Variants in SYT9 observed in about 807,000 individuals in gnomAD.
SYT9 encodes synaptotagmin-9.
Under a neutral mutation model 48.4 loss-of-function variants are expected in SYT9, and 22 were observed. The observed-to-expected ratio is 0.45, with a 90% CI of 0.32 to 0.65. SYT9 has a LOEUF of 0.65. Ranked by LOEUF, SYT9 falls within the 30% of genes least tolerant of loss-of-function variation. The pLI, the probability that SYT9 is intolerant of heterozygous loss-of-function variation, is 0.03. For missense variants in SYT9, 577 were observed against 622.0 expected, an observed-to-expected ratio of 0.93 and a Z score of 0.77; for synonymous variants, 265 against 245.0, an observed-to-expected ratio of 1.08 and a Z score of -0.76.
chr11:7,250,846 T>A (rs1005438576), upstream of SYT9, among the ~76,000 whole-genome samples: 11 of 151,962 alleles, frequency 7.2e-5, no homozygotes, highest in Admixed American at 3.9e-4. Context: ...GAGATCCTAC[T>A]CTAATTGCTC....
chr11:7,301,320 CTTTCT>C (rs1320470852), intron 1 of SYT9, among the ~76,000 whole-genome samples: 3 of 152,172 alleles, frequency 2.0e-5, no homozygotes, highest in Non-Finnish European at 2.9e-5. Flanking sequence ...TGGCAGCTGG[CTTTCT>C]TTTAAGAGCA....
At chr11:7,441,340 A>C (rs1847826262) in intron 6 of SYT9, 1 of 152,230 alleles carries the variant, frequency 6.6e-6, no homozygotes, top group Admixed American at 6.5e-5. Context: ...GGAGAAACCC[A>C]CTGAGGAGAT....
At chr11:7,342,926 A>G (rs1056774326) in intron 3 of SYT9, among the ~76,000 whole-genome samples, 4 of 152,022 alleles carry the variant, frequency 2.6e-5, no homozygotes, top group Admixed American at 2.0e-4. Context: ...GCTCAACACT[A>G]TGTGGAAGTT....
At position 7,468,967 on chromosome 11, in the gene SYT9, T is replaced by G. The variant is rs1848375479; in HGVS notation, c.*2167T>G. ...ATAAATTTGAACTCCCTCAGCCCAT[T>G]TGCAACTCTGCCTCTGTTCTCTTGC... is the stretch of plus-strand genomic sequence containing the variant. On this transcript the variant is annotated 3_prime_UTR_variant, in exon 7 of 7. Coordinates refer to ENST00000318881, the MANE Select transcript of SYT9 (RefSeq NM_175733.4). 6.7e-6 allele frequency: 1 copy of G among 148,310 alleles called. No homozygotes were observed. The highest frequency in any genetic ancestry group is 2.5e-5 in the African/African-American group (1 of 39,548). The allele number at this position is 148,310 out of a possible 1,614,324, so 9.2% of individuals were successfully genotyped here.
intron 1 of SYT9, among the ~76,000 whole-genome samples, chr11:7,295,349 C>T (rs1848779863): frequency 6.6e-6 from 1 of 152,216 alleles, no homozygotes; most frequent in African/African-American, 2.4e-5. Context: ...AACAGCAGAA[C>T]ATAAACACAA....
intron 1 of SYT9, among the ~76,000 whole-genome samples, chr11:7,286,419 C>G (rs943291549): frequency 6.6e-6 from 1 of 152,220 alleles, no homozygotes; most frequent in African/African-American, 2.4e-5. Context: ...GGCCCAGGAC[C>G]TGGCCCAGGA....
chr11:7,373,435 G>A (rs1228995633), intron 3 of SYT9, among the ~76,000 whole-genome samples: 1 of 151,844 alleles, frequency 6.6e-6, no homozygotes, highest in Non-Finnish European at 1.5e-5. Context: ...TGTTATACTG[G>A]CATATGTCGA....
chr11:7,376,852 T>C (rs1208147000), intron 3 of SYT9, among the ~76,000 whole-genome samples: 1 of 151,888 alleles, frequency 6.6e-6, no homozygotes, highest in Non-Finnish European at 1.5e-5. Flanking sequence ...TCCAGACTGA[T>C]TTTTGACACT....
intron 3 of SYT9, among the ~76,000 whole-genome samples, chr11:7,388,317 C>A (rs777499605): frequency 9.9e-5 from 15 of 152,000 alleles, no homozygotes; most frequent in Non-Finnish European, 2.2e-4. Flanking sequence ...TCTTTCAATG[C>A]CTTTAGGATG....
intron 3 of SYT9, among the ~76,000 whole-genome samples, chr11:7,376,617 A>AGAAGTCT (rs1564882181): frequency 6.6e-6 from 1 of 151,754 alleles, no homozygotes; most frequent in African/African-American, 2.4e-5. Context: ...GGCTGTTACC[A>AGAAGTCT]AGAAGTGGAT....
chr11:7,467,062 A>G lies in SYT9; in HGVS notation c.*262A>G. The stretch of plus-strand genomic sequence containing the variant: ...CAAGAACCAAGATCGGACTATGAAC[A>G]AAAACAAATGATAGATATAGTGACA... On this transcript the variant is annotated 3_prime_UTR_variant, in exon 7 of 7. Coordinates refer to ENST00000318881, the MANE Select transcript of SYT9 (RefSeq NM_175733.4). The G allele has an allele frequency of 4.0e-6, 2 of 503,080 alleles. No homozygotes were observed. Among genetic ancestry groups the G allele is most frequent in the Non-Finnish European group, 7.2e-6 (2 of 278,024 alleles). The allele number at this position is 503,080 out of a possible 1,614,324, so 31.2% of individuals were successfully genotyped here.
At chr11:7,397,722 G>C (rs922654825) in intron 3 of SYT9, among the ~76,000 whole-genome samples, 2 of 152,018 alleles carry the variant, frequency 1.3e-5, no homozygotes, top group South Asian at 4.1e-4. Context: ...TCAGCATATA[G>C]GTCTTGCACA....
rs531869462 is a variant in SYT9, at chr11:7,347,533, C to G, written c.1044+33592C>G. On this transcript the variant is annotated intron_variant, in intron 3 of 6. Coordinates refer to ENST00000318881, the MANE Select transcript of SYT9 (RefSeq NM_175733.4). ...TAGAGATGTGAGCCACTGCGCCCAG[C>G]CGAACTATTTCCATCAAAGCATGGG... 3.9e-5 allele frequency among the ~76,000 whole-genome samples: 6 copies of G among 152,300 alleles called. No individual in the cohort carries two copies. The South Asian group carries it at 1.0e-3, about 26-fold the overall frequency.
intron 2 of SYT9, among the ~76,000 whole-genome samples, chr11:7,309,599 G>T (rs1462464377): frequency 1.3e-5 from 2 of 152,138 alleles, no homozygotes; most frequent in African/African-American, 4.8e-5. Flanking sequence ...GGAGGCTCAG[G>T]TAATGGCTCT....
intron 3 of SYT9, among the ~76,000 whole-genome samples, chr11:7,401,960 G>T (rs1490223020): frequency 3.3e-5 from 5 of 150,344 alleles, no homozygotes; most frequent in South Asian, 2.1e-4. Flanking sequence ...ACTTTTTTTT[G>T]AACATAAGCA....
At chr11:7,423,341 TTGGCCATGCTTCGTTAGCAGCTG>T (rs531991068) in intron 6 of SYT9, among the ~76,000 whole-genome samples, 127 of 152,244 alleles carry the variant, frequency 8.3e-4, no homozygotes, top group African/African-American at 2.9e-3. Flanking sequence ...ATTGGAGAGG[TTGGCCATGCTTCGTTAGCAGCTG>T]TAAGGATGGA....
chr11:7,308,982 G>GT (rs1428030774), intron 2 of SYT9, among the ~76,000 whole-genome samples: 15 of 152,196 alleles, frequency 9.9e-5, no homozygotes, highest in Non-Finnish European at 2.1e-4. Context: ...CCTGAACTAT[G>GT]GCTGCAACTC....
intron 6 of SYT9, among the ~76,000 whole-genome samples, chr11:7,430,562 A>C (rs1204305115): frequency 6.6e-6 from 1 of 152,204 alleles, no homozygotes; most frequent in Admixed American, 6.5e-5. Flanking sequence ...AAACCAATTA[A>C]TATGGTTTAA....
At chr11:7,394,496 C>G (rs549385717) in intron 3 of SYT9, among the ~76,000 whole-genome samples, 22 of 152,260 alleles carry the variant, frequency 1.4e-4, no homozygotes, top group African/African-American at 4.8e-4. Context: ...ATGGCTGGGT[C>G]AAATGGTATT....
Sources: allele counts gnomAD v4.1 joint callset (sites outside exome capture counted in the v4.1 genomes callset), GRCh38; gene constraint gnomAD v4.1.1; transcripts MANE v1.5; gene names NCBI Gene and HGNC (gene_info 2026-07-23, HGNC 2026-07-21).